Variants in PCNX1 observed in about 807,000 individuals in gnomAD.
PCNX1 encodes pecanex 1.
A neutral mutation model predicts 242.2 loss-of-function variants in PCNX1; 78 were observed. That is an observed-to-expected ratio of 0.32 (90% CI 0.27 to 0.39). The LOEUF is 0.39. Ranked by LOEUF, PCNX1 falls within the 10% of genes least tolerant of loss-of-function variation. The pLI, the probability that PCNX1 is intolerant of heterozygous loss-of-function variation, is 1.00. For synonymous variants in PCNX1, 1,024 were observed against 1,032.9 expected (o/e 0.99, Z 0.17); for missense variants, 2,581 against 2,856.5 (o/e 0.90, Z 2.20).
chr14:70,977,440 T>C lies in PCNX1; in HGVS notation c.1103T>C (p.Met368Thr), dbSNP rs2058718607. ...AAACCTTTGAAAGCAGAGAAAAGCA[T>C]GGACAGCTTGAGGAGCCTGAGCACA... The part of the protein sequence containing the change: ...KSKPLKAEKS[M>T]DSLRSLSTRS... Residue 368 changes from methionine (M) to threonine (T), a missense_variant, in exon 6 of 36, where the codon ATG becomes ACG. By Grantham distance (81) the Met-to-Thr change is moderately conservative. This residue lies in a region of PCNX1 where 1,204 missense variants were observed against 1,216.7 expected (regional missense o/e 0.99). Transcript: ENST00000304743. 2 of 1,614,018 alleles carry C rather than the reference T, an allele frequency of 1.2e-6. No homozygotes were observed. The highest frequency in any genetic ancestry group is 4.5e-5 in the East Asian group (2 of 44,878).
chr14:71,043,372 T>C (rs1397845527), intron 19 of PCNX1, among the ~76,000 whole-genome samples: 1 of 152,184 alleles, frequency 6.6e-6, no homozygotes, highest in East Asian at 1.9e-4. Flanking sequence ...TTTCAGCTAT[T>C]ATTTCCTTAA....
intron 31 of PCNX1, among the ~76,000 whole-genome samples, chr14:71,103,075 C>T (rs529921800): frequency 8.5e-5 from 13 of 152,148 alleles, no homozygotes; most frequent in African/African-American, 3.1e-4. Flanking sequence ...ATATTTATCT[C>T]TCATTTCTAT....
At chr14:71,023,381 C>G in intron 13 of PCNX1, 149 bp downstream of exon 13, 1 of 637,766 alleles carries the variant, frequency 1.6e-6, no homozygotes, top group Non-Finnish European at 2.8e-6. Flanking sequence ...TGTTTTGACA[C>G]ACTACTAGAA....
intron 16 of PCNX1, among the ~76,000 whole-genome samples, chr14:71,032,173 A>G (rs916250069): frequency 9.2e-5 from 14 of 152,226 alleles, no homozygotes; most frequent in Non-Finnish European, 2.1e-4. Context: ...CTACACATGT[A>G]GCCTCTCTTG....
At chr14:71,049,610 A>G (rs1474531729) in intron 22 of PCNX1, among the ~76,000 whole-genome samples, 1 of 152,166 alleles carries the variant, frequency 6.6e-6, no homozygotes, top group Non-Finnish European at 1.5e-5. Flanking sequence ...TGGCATCGTG[A>G]TGATATACAT....
chr14:70,981,683 C>T (rs973120021), intron 6 of PCNX1, among the ~76,000 whole-genome samples: 1 of 152,094 alleles, frequency 6.6e-6, no homozygotes, highest in Non-Finnish European at 1.5e-5. Context: ...AATTATAAGG[C>T]ATATCTTTAT....
At chr14:71,044,060 T>C (rs1357388734) in intron 19 of PCNX1, among the ~76,000 whole-genome samples, 1 of 152,212 alleles carries the variant, frequency 6.6e-6, no homozygotes, top group Non-Finnish European at 1.5e-5. Flanking sequence ...TGCACGGTAG[T>C]GTACTCTCCG....
chr14:71,031,994 A>G, intron 16 of PCNX1: 1 of 1,131,728 alleles, frequency 8.8e-7, no homozygotes, highest in African/African-American at 1.5e-5. Context: ...TCTCATGCCA[A>G]GAAAGAATTC....
chr14:70,968,088 G>A (rs1015109635), intron 3 of PCNX1, 110 bp from the exon 4 acceptor site: 6 of 787,808 alleles, frequency 7.6e-6, no homozygotes, highest in African/African-American at 3.4e-5. Context: ...AAAAATGATC[G>A]ATAACATGTT....
At chr14:71,011,065 C>G (rs377527743) in intron 9 of PCNX1, among the ~76,000 whole-genome samples, 12 of 152,180 alleles carry the variant, frequency 7.9e-5, no homozygotes, top group African/African-American at 2.9e-4. Context: ...GGTAAAGCCT[C>G]AAGTTTTGAA....
chr14:71,009,399 T>G (rs2059758705), intron 8 of PCNX1, among the ~76,000 whole-genome samples: 1 of 152,230 alleles, frequency 6.6e-6, no homozygotes, highest in Non-Finnish European at 1.5e-5. Flanking sequence ...AAAGCTGACT[T>G]AAGTCCCTTC....
intron 30 of PCNX1, among the ~76,000 whole-genome samples, chr14:71,096,333 G>T (rs1452252949): frequency 6.6e-6 from 1 of 151,778 alleles, no homozygotes; most frequent in African/African-American, 2.4e-5. Flanking sequence ...AAAAAAAAAT[G>T]AGCTGGGCAT....
chr14:70,968,066 T>C, intron 3 of PCNX1, 132 bp from the exon 4 acceptor site: 1 of 718,786 alleles, frequency 1.4e-6, no homozygotes, highest in Non-Finnish European at 2.4e-6. Context: ...ACAAGTATCT[T>C]CTAATATTGA....
At chr14:71,041,184 A>G (rs1263613670) in intron 19 of PCNX1, among the ~76,000 whole-genome samples, 2 of 152,158 alleles carry the variant, frequency 1.3e-5, no homozygotes, top group Non-Finnish European at 2.9e-5. Context: ...TCTTTTGAGT[A>G]TATATCCAGC....
chr14:71,047,115 G>C lies in PCNX1; in HGVS notation c.4160+10G>C, dbSNP rs755897426. The C allele has an allele frequency of 3.3e-6, 5 of 1,535,224 alleles. No individual in the cohort carries two copies. The Admixed American group carries it at 9.0e-5, about 28-fold the overall frequency. On this transcript the variant is annotated intron_variant, in intron 21 of 35. Transcript: ENST00000304743. The stretch of plus-strand genomic sequence containing the variant: ...AGAAACTGAATACAGAGTAAGTATA[G>C]TAGTCTTCTAATATTGTCTGACTAC...
chr14:71,058,745 C>A (rs2061247690), intron 26 of PCNX1, among the ~76,000 whole-genome samples: 1 of 152,202 alleles, frequency 6.6e-6, no homozygotes, highest in Non-Finnish European at 1.5e-5. Context: ...AGAAATAAAT[C>A]TTTAGCTATG....
chr14:71,100,719 G>A (rs1240555452), intron 30 of PCNX1, among the ~76,000 whole-genome samples: 5 of 152,092 alleles, frequency 3.3e-5, no homozygotes, highest in African/African-American at 9.7e-5. Context: ...CCTCTCTCAG[G>A]AATGTCATTA....
chr14:71,070,180 C>A (rs2061554566), intron 26 of PCNX1, among the ~76,000 whole-genome samples: 3 of 152,220 alleles, frequency 2.0e-5, no homozygotes, highest in Admixed American at 6.5e-5. Flanking sequence ...TCTGCCACAT[C>A]CTTCAGATTT....
At chr14:71,032,800 G>T (rs916433985) in intron 16 of PCNX1, among the ~76,000 whole-genome samples, 6 of 152,208 alleles carry the variant, frequency 3.9e-5, no homozygotes, top group African/African-American at 1.4e-4. Flanking sequence ...CTCCAGAGAT[G>T]CTACAATGAG....
Sources: allele counts gnomAD v4.1 joint callset (sites outside exome capture counted in the v4.1 genomes callset), GRCh38; gene constraint gnomAD v4.1.1; regional missense constraint gnomAD v4.1.1; transcripts MANE v1.5; gene names NCBI Gene and HGNC (gene_info 2026-07-23, HGNC 2026-07-21).